The following ZNF568 variants were observed in gnomAD, a reference collection of about 807,000 sequenced individuals.
The protein encoded by ZNF568 is zinc finger protein 568.
ZNF568 carries 11 observed loss-of-function variants against 18.1 expected under a neutral mutation model. That is an observed-to-expected ratio of 0.61 (90% CI 0.38 to 1.00). ZNF568 has a LOEUF of 1.00. Among genes scored for constraint, ZNF568 ranks in the 50% least tolerant of loss-of-function variants. The pLI is 0.01. For synonymous variants in ZNF568, 213 were observed against 246.6 expected, an observed-to-expected ratio of 0.86 and a Z score of 1.28; for missense variants, 639 against 768.2, an observed-to-expected ratio of 0.83 and a Z score of 1.99.
intron 6 of ZNF568, among the ~76,000 whole-genome samples, chr19:36,940,061 T>C (rs907366347): frequency 6.6e-6 from 1 of 152,196 alleles, no homozygotes; most frequent in African/African-American, 2.4e-5. Context: ...TGAAATATCT[T>C]TTACATGACT....
At chr19:36,928,948 T>C (rs945234590) in intron 4 of ZNF568, among the ~76,000 whole-genome samples, 1 of 152,122 alleles carries the variant, frequency 6.6e-6, no homozygotes, top group African/African-American at 2.4e-5. Flanking sequence ...AGAATCTCAA[T>C]AACAATTCTA....
downstream of ZNF568, among the ~76,000 whole-genome samples, chr19:36,953,055 A>G (rs2074080538): frequency 1.3e-5 from 2 of 152,232 alleles, no homozygotes; most frequent in South Asian, 4.1e-4. Context: ...ATCAGATGCC[A>G]GTATAACAAA....
chr19:36,949,726 A>T lies in ZNF568; in HGVS notation c.573A>T (p.Leu191Phe). ...AGGGTTTGGAACATAATTTAGACTTACTTAGATATGAGAAAGGCTGTGTAA... is the reference window on the plus strand; with the variant it reads ...AGGGTTTGGAACATAATTTAGACTTTCTTAGATATGAGAAAGGCTGTGTAA... ...LDKGLEHNLD[L>F]LRYEKGCVRE... The change falls in exon 7 of 7, where the codon TTA becomes TTT. Residue 191 changes from leucine to phenylalanine, a missense_variant. Physicochemically the swap from Leu to Phe is conservative, Grantham distance 22 (BLOSUM62 0). Coordinates refer to ENST00000333987, the MANE Select transcript of ZNF568 (RefSeq NM_198539.4). The T allele has an allele frequency of 1.2e-6, 2 of 1,613,960 alleles. No individual in the cohort carries two copies. The highest frequency in any genetic ancestry group is 1.7e-6 in the Non-Finnish European group (2 of 1,179,896).
chr19:36,997,002 C>G (rs763340851), exon 5 of ZNF568: 57 of 1,549,024 alleles, frequency 3.7e-5, no homozygotes, highest in Non-Finnish European at 3.2e-5. Flanking sequence ...GTCCCTCACA[C>G]CTTTTTCGAC....
intron 2 of ZNF568, among the ~76,000 whole-genome samples, chr19:36,919,934 T>C (rs1233520074): frequency 6.6e-6 from 1 of 152,230 alleles, no homozygotes; most frequent in African/African-American, 2.4e-5. Flanking sequence ...CTGGTTCATG[T>C]GCCTACTATA....
At chr19:36,927,130 T>C (rs1726719) in intron 4 of ZNF568, among the ~76,000 whole-genome samples, 55,048 of 152,110 alleles carry the variant, frequency 0.36, 10,255 homozygotes, top group African/African-American at 0.4. Flanking sequence ...ATTTATTTTT[T>C]GTTGTATAGA....
chr19:36,917,630 TTGAC>T lies in ZNF568; in HGVS notation c.-201_-198del, dbSNP rs2073367142. 6.6e-6 allele frequency: 1 copy of T among 152,264 alleles called. No homozygotes were observed. Among genetic ancestry groups the T allele is most frequent in the Admixed American group, 6.5e-5 (1 of 15,282 alleles). 9.4% of individuals were successfully genotyped at this position (152,264 alleles called of 1,614,324 possible). On this transcript the variant is annotated 5_prime_UTR_variant, in exon 2 of 7. Transcript: ENST00000333987. Reference sequence around the variant, plus strand: ...CTGGGCTTACATCCGTTTATCTTGTTTGACTGTTATTTTAATAGGTGAGTATAGT... The same window carrying T: ...CTGGGCTTACATCCGTTTATCTTGTTTGTTATTTTAATAGGTGAGTATAGT...
At chr19:36,940,153 T>A (rs1278962735) in intron 6 of ZNF568, among the ~76,000 whole-genome samples, 3 of 152,220 alleles carry the variant, frequency 2.0e-5, no homozygotes, top group Non-Finnish European at 4.4e-5. Context: ...ACCTTCATGC[T>A]ATATCTGTGT....
At chr19:36,929,437 GC>G (rs1319757318) in intron 4 of ZNF568, among the ~76,000 whole-genome samples, 2 of 152,120 alleles carry the variant, frequency 1.3e-5, no homozygotes, top group Non-Finnish European at 2.9e-5. Flanking sequence ...TGTAATCCCA[GC>G]ACTTTGGGAG....
intron 4 of ZNF568, among the ~76,000 whole-genome samples, chr19:36,930,935 T>A (rs2073676936): frequency 6.6e-6 from 1 of 152,170 alleles, no homozygotes; most frequent in Non-Finnish European, 1.5e-5. Flanking sequence ...ATTTCAGCAT[T>A]TTTTTTCAGT....
chr19:36,966,178 C>G (rs1042057943), intron 6 of ZNF568, among the ~76,000 whole-genome samples: 1 of 151,968 alleles, frequency 6.6e-6, no homozygotes, highest in Non-Finnish European at 1.5e-5. Context: ...CCCAACTACT[C>G]GGGTGGCTGA....
chr19:36,981,754 G>A (rs1275496808), downstream of ZNF568, among the ~76,000 whole-genome samples: 10 of 151,868 alleles, frequency 6.6e-5, no homozygotes, highest in Admixed American at 6.6e-4. Flanking sequence ...CATGCCTGTA[G>A]TCCCAGCTAC....
downstream of ZNF568, among the ~76,000 whole-genome samples, chr19:36,983,448 A>T (rs2074348452): frequency 6.6e-6 from 1 of 152,132 alleles, no homozygotes; most frequent in Non-Finnish European, 1.5e-5. Context: ...GTTAATGTGC[A>T]TCGTTTTCTT....
At chr19:36,955,465 C>T (rs940929322), downstream of ZNF568, among the ~76,000 whole-genome samples, 7 of 152,058 alleles carry the variant, frequency 4.6e-5, no homozygotes, top group Non-Finnish European at 5.9e-5. Context: ...TCTAAAAGGG[C>T]GTTTTACTGA....
intron 4 of ZNF568, among the ~76,000 whole-genome samples, chr19:36,927,511 A>G (rs1420058963): frequency 1.3e-5 from 2 of 151,970 alleles, no homozygotes; most frequent in Non-Finnish European, 2.9e-5. Flanking sequence ...GATGGTTTCT[A>G]GGCTTTTACT....
Position 36,952,100 on chromosome 19 carries a change from T to A in ZNF568, c.*1012T>A, listed in dbSNP as rs1184283422. 1.2e-6 allele frequency: 1 copy of A among 802,734 alleles called. No homozygotes were observed. The highest frequency in any genetic ancestry group is 1.5e-6 in the Non-Finnish European group (1 of 675,424). 49.7% of individuals were successfully genotyped at this position (802,734 alleles called of 1,614,324 possible). On this transcript the variant is annotated 3_prime_UTR_variant, in exon 7 of 7. Coordinates refer to ENST00000333987, the MANE Select transcript of ZNF568 (RefSeq NM_198539.4). ...AATTCCACTTCTAGGTATATATACATCCTATAGAAACTCACAAATAATGCA... is the reference window on the plus strand; with the variant it reads ...AATTCCACTTCTAGGTATATATACAACCTATAGAAACTCACAAATAATGCA...
At chr19:36,969,603 T>C (rs1405626627) in intron 6 of ZNF568, among the ~76,000 whole-genome samples, 1 of 151,916 alleles carries the variant, frequency 6.6e-6, no homozygotes, top group Non-Finnish European at 1.5e-5. Context: ...TTCCTTGTCT[T>C]TTCCAGCTTC....
intron 2 of ZNF568, chr19:36,991,009 T>G: frequency 4.6e-6 from 3 of 656,984 alleles, no homozygotes; most frequent in South Asian, 4.5e-5. Flanking sequence ...GGCACTTCAC[T>G]CTGATCACCC....
chr19:36,968,115 T>C (rs475026), intron 6 of ZNF568, among the ~76,000 whole-genome samples: 54,608 of 152,008 alleles, frequency 0.36, 10,083 homozygotes, highest in African/African-American at 0.41. Context: ...AAGAATAATA[T>C]GTATATATGT....
Sources: gnomAD v4.1 joint callset for allele counts (sites outside exome capture counted in the v4.1 genomes callset) on GRCh38, gnomAD v4.1.1 for gene constraint, MANE v1.5 for transcripts, NCBI Gene and HGNC (gene_info 2026-07-23, HGNC 2026-07-21) for gene names.